The following NUBPL variants were observed in gnomAD, a reference collection of about 807,000 sequenced individuals.
The protein encoded by NUBPL is iron-sulfur cluster transfer protein NUBPL.
In NUBPL, 31 loss-of-function variants were observed where a neutral mutation model predicts 45.7. The ratio of observed to expected loss-of-function variants is 0.68; its 90% CI spans 0.51 to 0.92. The LOEUF is 0.92. Ranked by LOEUF, NUBPL falls within the 40% of genes least tolerant of loss-of-function variation. NUBPL has a pLI of 0.00. For missense variants in NUBPL, 401 were observed against 398.7 expected (o/e 1.01, Z -0.05); for synonymous variants, 144 against 140.9 (o/e 1.02, Z -0.15).
intron 6 of NUBPL, among the ~76,000 whole-genome samples, chr14:31,733,281 C>T (rs1235535825): frequency 6.6e-6 from 1 of 152,094 alleles, no homozygotes; most frequent in Non-Finnish European, 1.5e-5. Flanking sequence ...TTCTTGATTG[C>T]TGTAGAGTAA....
At chr14:31,670,814 C>T (rs1274932891) in intron 4 of NUBPL, among the ~76,000 whole-genome samples, 1 of 152,118 alleles carries the variant, frequency 6.6e-6, no homozygotes, top group Admixed American at 6.5e-5. Flanking sequence ...GCTCTTTATT[C>T]TGTTCCATTG....
intron 6 of NUBPL, among the ~76,000 whole-genome samples, chr14:31,787,183 C>T (rs2039300017): frequency 6.6e-6 from 1 of 152,056 alleles, no homozygotes; most frequent in African/African-American, 2.4e-5. Flanking sequence ...AGTAAAGAAC[C>T]TGAGGTACCC....
intron 10 of NUBPL, among the ~76,000 whole-genome samples, chr14:31,853,084 T>TG (rs1306824604): frequency 0.016 from 997 of 61,332 alleles, 15 homozygotes; most frequent in African/African-American, 0.1. Flanking sequence ...TGTGTTGTGT[T>TG]TTGTTTTGTT....
chr14:31,766,268 C>G (rs2038910526), intron 6 of NUBPL, among the ~76,000 whole-genome samples: 2 of 152,252 alleles, frequency 1.3e-5, no homozygotes, highest in South Asian at 2.1e-4. Flanking sequence ...TCCAACTGGA[C>G]CATTGAGCGC....
At chr14:31,734,907 A>G (rs754445045) in intron 6 of NUBPL, among the ~76,000 whole-genome samples, 7 of 152,228 alleles carry the variant, frequency 4.6e-5, no homozygotes, top group Admixed American at 1.3e-4. Flanking sequence ...AACCAAGAAG[A>G]CAAGTCAGTG....
At chr14:31,831,595 A>G (rs1306886713) in intron 8 of NUBPL, among the ~76,000 whole-genome samples, 1 of 152,052 alleles carries the variant, frequency 6.6e-6, no homozygotes, top group African/African-American at 2.4e-5. Flanking sequence ...CTAAATATAT[A>G]CTGAGTGAAT....
chr14:31,633,941 A>G (rs568390522), intron 4 of NUBPL, among the ~76,000 whole-genome samples: 232 of 152,176 alleles, frequency 1.5e-3, no homozygotes, highest in Middle Eastern at 0.01. Context: ...TCAGTATCCC[A>G]CCTGCTTAGG....
At chr14:31,829,194 TCC>T (rs1386720852) in intron 8 of NUBPL, among the ~76,000 whole-genome samples, 2 of 152,122 alleles carry the variant, frequency 1.3e-5, no homozygotes, top group Non-Finnish European at 2.9e-5. Context: ...GTGTAATTCT[TCC>T]AAGTTGAAAT....
At chr14:31,701,480 C>CT (rs2139894573) in intron 6 of NUBPL, among the ~76,000 whole-genome samples, 1 of 152,372 alleles carries the variant, frequency 6.6e-6, no homozygotes, top group East Asian at 1.9e-4. Context: ...CTTGGGTCCC[C>CT]TTCCGCATGT....
At chr14:31,746,298 T>C (rs745872867) in intron 6 of NUBPL, among the ~76,000 whole-genome samples, 13 of 152,072 alleles carry the variant, frequency 8.5e-5, no homozygotes, top group Non-Finnish European at 1.6e-4. Flanking sequence ...CAACTTTTCC[T>C]CATTCAGTAA....
intron 3 of NUBPL, among the ~76,000 whole-genome samples, chr14:31,569,096 G>A (rs943115075): frequency 6.6e-6 from 1 of 152,160 alleles, no homozygotes; most frequent in Admixed American, 6.5e-5. Context: ...GATCAGAAAA[G>A]TTTGAATGTC....
intron 4 of NUBPL, among the ~76,000 whole-genome samples, chr14:31,602,962 G>T (rs2034485528): frequency 1.3e-5 from 2 of 151,918 alleles, no homozygotes; most frequent in Non-Finnish European, 2.9e-5. Context: ...TGTTGTTATT[G>T]CATTTAAAAA....
chr14:31,662,625 T>C (rs1309933994), intron 4 of NUBPL, among the ~76,000 whole-genome samples: 3 of 152,208 alleles, frequency 2.0e-5, no homozygotes. Context: ...TCCAGCTTTA[T>C]CCATGTCCCT....
At position 31,691,405 on chromosome 14, in the gene NUBPL, C is replaced by T. The variant is rs151011102; in HGVS notation, c.513+17831C>T. 3.0e-4 allele frequency among the ~76,000 whole-genome samples: 45 copies of T among 152,266 alleles called. 1 individual carries two copies. In the Middle Eastern group the frequency reaches 0.01, roughly 35 times the overall value. On this transcript the variant is annotated intron_variant, in intron 6 of 10. Transcript: ENST00000281081. ...TATTGGTAAGGCTTCTGATCAACAG[C>T]AGGGTATTAGTAAAGTTTTTTGGGA...
At chr14:31,765,241 T>G (rs2038890359) in intron 6 of NUBPL, among the ~76,000 whole-genome samples, 1 of 152,230 alleles carries the variant, frequency 6.6e-6, no homozygotes, top group African/African-American at 2.4e-5. Context: ...TTCGTTTTAA[T>G]CTTGAGAACT....
chr14:31,718,553 C>T (rs1175187334), intron 6 of NUBPL, among the ~76,000 whole-genome samples: 4 of 152,098 alleles, frequency 2.6e-5, no homozygotes, highest in African/African-American at 4.8e-5. Context: ...GCCTATCTTA[C>T]AGCAAAGTGA....
At chr14:31,619,690 G>C (rs941477554) in intron 4 of NUBPL, among the ~76,000 whole-genome samples, 1 of 152,108 alleles carries the variant, frequency 6.6e-6, no homozygotes, top group Non-Finnish European at 1.5e-5. Context: ...TGGGTAACCC[G>C]GCCTTTCTCT....
chr14:31,577,586 G>A (rs550208363), intron 3 of NUBPL, among the ~76,000 whole-genome samples: 146 of 152,268 alleles, frequency 9.6e-4, no homozygotes, highest in African/African-American at 3.2e-3. Flanking sequence ...GCTAATTTTC[G>A]TATTTTTTAG....
At chr14:31,638,367 T>G (rs986579697) in intron 4 of NUBPL, among the ~76,000 whole-genome samples, 63 of 151,902 alleles carry the variant, frequency 4.1e-4, no homozygotes, top group African/African-American at 1.5e-3. Context: ...TGGCTGGATA[T>G]GAAATTCTGG....
Sources: gnomAD v4.1 joint callset for allele counts (sites outside exome capture counted in the v4.1 genomes callset) on GRCh38, gnomAD v4.1.1 for gene constraint, MANE v1.5 for transcripts, NCBI Gene and HGNC (gene_info 2026-07-23, HGNC 2026-07-21) for gene names.